Variants in SUSD6 observed in about 807,000 individuals in gnomAD.
SUSD6 encodes sushi domain containing 6.
A neutral mutation model predicts 28.4 loss-of-function variants in SUSD6; 16 were observed. The ratio of observed to expected loss-of-function variants is 0.56; its 90% CI spans 0.38 to 0.86. The LOEUF is 0.86. SUSD6 is among the 40% of genes least tolerant of loss of function. SUSD6 has a pLI of 0.00. For synonymous variants in SUSD6, 147 were observed against 159.6 expected, an observed-to-expected ratio of 0.92 and a Z score of 0.59; for missense variants, 341 against 384.2, an observed-to-expected ratio of 0.89 and a Z score of 0.94.
chr14:69,612,292 G>A (rs936448196), intron 1 of SUSD6, among the ~76,000 whole-genome samples: 1 of 152,130 alleles, frequency 6.6e-6, no homozygotes, highest in East Asian at 1.9e-4. Flanking sequence ...CTTAGAGAAG[G>A]TGGATTTCCT....
chr14:69,658,881 A>G (rs754901096), intron 2 of SUSD6, among the ~76,000 whole-genome samples, 168 bp downstream of exon 2: 5 of 152,132 alleles, frequency 3.3e-5, no homozygotes, highest in African/African-American at 4.8e-5. Flanking sequence ...TCTGAGGTCT[A>G]ATGAGTCACC....
Position 69,658,456 on chromosome 14 carries a change from C to T in SUSD6, c.-80-57C>T, listed in dbSNP as rs530898402. 148 of 882,994 alleles carry T rather than the reference C, an allele frequency of 1.7e-4. 1 individual carries two copies. In the South Asian group the frequency reaches 2.5e-3, roughly 15 times the overall value. 54.7% of individuals were successfully genotyped at this position (882,994 alleles called of 1,614,324 possible). The stretch of plus-strand genomic sequence containing the variant: ...TATGGCTTCCTTACCAAAGTGGCTG[C>T]TTTTAACTAACTTATGGCTGAAGTT... On this transcript the variant is annotated intron_variant, in intron 1 of 5. Coordinates refer to ENST00000342745, the MANE Select transcript of SUSD6 (RefSeq NM_014734.4).
In SUSD6 at chr14:69,684,161, G is replaced by A. The variant is rs116833345; in HGVS notation, c.122-19234G>A. Among the ~76,000 whole-genome samples, 1,301 of 152,314 alleles carry A rather than the reference G, an allele frequency of 8.5e-3. 13 individuals are homozygous for A. Among genetic ancestry groups the A allele is most frequent in the African/African-American group, 0.03 (1,236 of 41,586 alleles). ...AGCAGGTTTCAAGCCTCTGCTGGTC[G>A]TTGGAGAATGAGATTGGCCAGGAGA... On this transcript the variant is annotated intron_variant, in intron 2 of 5. Coordinates refer to ENST00000342745, the MANE Select transcript of SUSD6 (RefSeq NM_014734.4).
chr14:69,653,590 ATGCTTAGTTCT>A (rs1885535026), intron 1 of SUSD6, among the ~76,000 whole-genome samples: 1 of 152,062 alleles, frequency 6.6e-6, no homozygotes, highest in African/African-American at 2.4e-5. Context: ...TTTGAACTTG[ATGCTTAGTTCT>A]AGGTTCCTCT....
intron 1 of SUSD6, chr14:69,617,547 T>C (rs1012375495): frequency 6.6e-6 from 1 of 152,242 alleles, no homozygotes; most frequent in African/African-American, 2.4e-5. Flanking sequence ...GGTGCAGAAC[T>C]TTAACCATTG....
At chr14:69,623,212 A>G (rs1885067051) in intron 1 of SUSD6, among the ~76,000 whole-genome samples, 1 of 152,220 alleles carries the variant, frequency 6.6e-6, no homozygotes, top group African/African-American at 2.4e-5. Flanking sequence ...GTCAGCATGT[A>G]TTTGTGTACT....
chr14:69,667,149 A>G (rs945712246), intron 2 of SUSD6, among the ~76,000 whole-genome samples: 3 of 152,182 alleles, frequency 2.0e-5, no homozygotes, highest in Non-Finnish European at 2.9e-5. Flanking sequence ...ACACTAGACT[A>G]TGACTGAGTG....
intron 4 of SUSD6, 145 bp downstream of exon 4, chr14:69,704,887 A>G (rs79592875): frequency 0.028 from 21,444 of 771,656 alleles, 380 homozygotes; most frequent in African/African-American, 0.045. Flanking sequence ...CCATGTGTCA[A>G]ACTCCTAGAT....
intron 1 of SUSD6, among the ~76,000 whole-genome samples, chr14:69,638,486 T>G (rs1313785256): frequency 6.9e-6 from 1 of 145,450 alleles, no homozygotes; most frequent in African/African-American, 2.6e-5. Context: ...GATTGAAGGA[T>G]GAGGGTTGTG....
chr14:69,621,049 G>A (rs566971755), intron 1 of SUSD6, among the ~76,000 whole-genome samples: 3 of 152,238 alleles, frequency 2.0e-5, no homozygotes, highest in South Asian at 4.1e-4. Flanking sequence ...GTAAACGTAC[G>A]CCCTCCCCCT....
At chr14:69,707,423 C>A (rs187023011) in intron 4 of SUSD6, among the ~76,000 whole-genome samples, 2 of 152,324 alleles carry the variant, frequency 1.3e-5, no homozygotes, top group Admixed American at 1.3e-4. Flanking sequence ...CAGATATATA[C>A]TCTCACAAAT....
chr14:69,692,022 G>C (rs1594719778), intron 2 of SUSD6, among the ~76,000 whole-genome samples: 1 of 146,864 alleles, frequency 6.8e-6, no homozygotes, highest in East Asian at 2.0e-4. Context: ...TTGGGTGACA[G>C]AGTGAGACTC....
intron 2 of SUSD6, among the ~76,000 whole-genome samples, chr14:69,667,630 G>A (rs370593062): frequency 4.0e-5 from 6 of 151,510 alleles, no homozygotes; most frequent in African/African-American, 9.7e-5. Context: ...TGATCCGCCC[G>A]CCTCAGCCTC....
intron 1 of SUSD6, among the ~76,000 whole-genome samples, chr14:69,642,004 G>A (rs1366305761): frequency 1.3e-5 from 2 of 152,098 alleles, no homozygotes; most frequent in Non-Finnish European, 2.9e-5. Flanking sequence ...TAACATCCTT[G>A]TCTACTAGTT....
chr14:69,689,388 A>G (rs8015709), intron 2 of SUSD6, among the ~76,000 whole-genome samples: 57,356 of 152,106 alleles, frequency 0.38, 13,098 homozygotes, highest in Admixed American at 0.54. Context: ...AAGCTGAGGG[A>G]AGAGAAAAAA....
intron 2 of SUSD6, among the ~76,000 whole-genome samples, chr14:69,684,870 C>T (rs116271825): frequency 2.9e-3 from 438 of 152,388 alleles, no homozygotes; most frequent in African/African-American, 0.01. Flanking sequence ...AAGTTACTCT[C>T]CTTAAAGACC....
intron 3 of SUSD6, 75 bp from the exon 4 acceptor site, chr14:69,704,529 G>C (rs1886358584): frequency 6.8e-7 from 1 of 1,462,008 alleles, no homozygotes; most frequent in East Asian, 2.3e-5. Context: ...CATTTGACAA[G>C]ATCAGCTGTG....
rs187777706 is a variant in SUSD6 at position 69,624,675 on chromosome 14, G to A, written c.-81+12847G>A. ...TCTCCATGTTGGTCAGGCTGGTCTC[G>A]AACTCCCGACCTCAGGTGATCCACC... On this transcript the variant is annotated intron_variant, in intron 1 of 5. Coordinates refer to ENST00000342745, the MANE Select transcript of SUSD6 (RefSeq NM_014734.4). 0.014 allele frequency among the ~76,000 whole-genome samples: 2,115 copies of A among 152,098 alleles called. 77 individuals carry two copies. The South Asian group carries it at 0.14, about 10-fold the overall frequency.
intron 1 of SUSD6, among the ~76,000 whole-genome samples, chr14:69,639,956 G>GTTTTTATT (rs1555343340): frequency 2.4e-5 from 2 of 81,640 alleles, no homozygotes; most frequent in African/African-American, 9.4e-5. Context: ...CACCTACACT[G>GTTTTTATT]TTTTTTTTTT....
Sources: gnomAD v4.1 joint callset for allele counts (sites outside exome capture counted in the v4.1 genomes callset) on GRCh38, gnomAD v4.1.1 for gene constraint, MANE v1.5 for transcripts, NCBI Gene and HGNC (gene_info 2026-07-23, HGNC 2026-07-21) for gene names.